The following PIWIL1 variants were observed in gnomAD, a reference collection of about 807,000 sequenced individuals.
PIWIL1 encodes piwi like RNA-mediated gene silencing 1.
PIWIL1 carries 73 observed loss-of-function variants against 114.4 expected under a neutral mutation model. That is an observed-to-expected ratio of 0.64 (90% CI 0.53 to 0.78). PIWIL1 has a LOEUF of 0.78. Ranked by LOEUF, PIWIL1 falls within the 30% of genes least tolerant of loss-of-function variation. The pLI is 0.00. For missense variants in PIWIL1, 723 were observed against 1,063.1 expected (o/e 0.68, Z 4.45); for synonymous variants, 375 against 369.0 (o/e 1.02, Z -0.19).
chr12:130,396,402 A>AAAAG, the PIWIL1 span: 7 of 152,820 alleles, frequency 4.6e-5, no homozygotes, highest in South Asian at 2.1e-4. Flanking sequence ...CAAGAATTAC[A>AAAAG]AAAGAGTAAC....
intron 8 of PIWIL1, 62 bp downstream of exon 8, chr12:130,349,498 G>T: frequency 1.9e-6 from 2 of 1,072,860 alleles, no homozygotes; most frequent in Non-Finnish European, 2.8e-6. Flanking sequence ...TGGCTTTCTA[G>T]TTCTACCATG....
intron 14 of PIWIL1, among the ~76,000 whole-genome samples, chr12:130,360,838 G>A (rs2073489652): frequency 6.6e-6 from 1 of 152,208 alleles, no homozygotes; most frequent in South Asian, 2.1e-4. Context: ...AATTAAGACT[G>A]TGGGAAATCT....
downstream of PIWIL1, among the ~76,000 whole-genome samples, chr12:130,374,388 T>A (rs1271512523): frequency 2.6e-5 from 4 of 152,224 alleles, no homozygotes; most frequent in Admixed American, 2.6e-4. Flanking sequence ...GATACAAGAT[T>A]TCAAAAGCTA....
At position 130,371,815 on chromosome 12, in the gene PIWIL1, A is replaced by C. The variant is rs2136204332; in HGVS notation, c.*217A>C. 1 of 317,254 alleles carries C rather than the reference A, an allele frequency of 3.2e-6. No individual in the cohort carries two copies. The highest frequency in any genetic ancestry group is 5.7e-6 in the Non-Finnish European group (1 of 174,736). The allele number at this position is 317,254 out of a possible 1,614,324, so 19.7% of individuals were successfully genotyped here. On this transcript the variant is annotated 3_prime_UTR_variant, in exon 21 of 21. Transcript: ENST00000245255. Reference sequence around the variant, plus strand: ...TATTTTATCTTCTTGTTTCTCATAGATATTTTGTGAGCATTTTTTTGTTTA... The same window carrying C: ...TATTTTATCTTCTTGTTTCTCATAGCTATTTTGTGAGCATTTTTTTGTTTA...
In PIWIL1 at chr12:130,356,410, G is replaced by A. The variant is rs533680142; in HGVS notation, c.1405-508G>A. Among the ~76,000 whole-genome samples, 6 of 152,050 alleles carry A rather than the reference G, an allele frequency of 3.9e-5. No individual in the cohort carries two copies. In the East Asian group the frequency reaches 9.7e-4, roughly 25 times the overall value. Reference sequence around the variant, plus strand: ...CTATCCCCTGCGTGAGGCCAGGCAGGGAGGTGGCCAGGACACGCAGAAGAC... The same window carrying A: ...CTATCCCCTGCGTGAGGCCAGGCAGAGAGGTGGCCAGGACACGCAGAAGAC... On this transcript the variant is annotated intron_variant, in intron 12 of 20. Transcript: ENST00000245255.
the PIWIL1 span, chr12:130,424,540 G>A: frequency 6.9e-4 from 853 of 1,231,966 alleles, 2 homozygotes; most frequent in Admixed American, 1.7e-3. This position sits in a 1 kb window ranked among gnomAD's most constrained non-coding sequence, Gnocchi z 9.8. Flanking sequence ...GTGGCCGAGC[G>A]GCTGAACCGA....
chr12:130,377,441 G>C (rs2073876155), downstream of PIWIL1, among the ~76,000 whole-genome samples: 1 of 152,238 alleles, frequency 6.6e-6, no homozygotes, highest in Non-Finnish European at 1.5e-5. Flanking sequence ...AACAATCTCA[G>C]CTGGAGACCT....
chr12:130,424,495 C>T, the PIWIL1 span: 1 of 1,232,136 alleles, frequency 8.1e-7, no homozygotes, highest in Non-Finnish European at 1.0e-6. The surrounding 1 kb of genome is among the most constrained non-coding windows in gnomAD (Gnocchi z 9.8). Flanking sequence ...TCGTCCTCTT[C>T]ACTCCCACAG....
chr12:130,381,032 C>G, the PIWIL1 span, among the ~76,000 whole-genome samples: 1 of 151,974 alleles, frequency 6.6e-6, no homozygotes, highest in Admixed American at 6.6e-5. Flanking sequence ...CCACACAGGC[C>G]CAGCCTCCCC....
intron 3 of PIWIL1, 95 bp from the exon 4 acceptor site, chr12:130,345,658 A>G (rs1458867513): frequency 3.8e-6 from 5 of 1,320,144 alleles, no homozygotes; most frequent in African/African-American, 2.9e-5. Flanking sequence ...ACACCTCAGT[A>G]TCCTTTGGAT....
In PIWIL1 at chr12:130,343,045, A is replaced by G. The variant is rs746101760; in HGVS notation, c.134A>G (p.Glu45Gly). ...PRPQPPPAEGELFGRGRQRGT... is the reference protein window; with the variant it reads ...PRPQPPPAEGGLFGRGRQRGT... ...CCTCAGCCGCCACCAGCAGAGGGGG[A>G]ATTATTTGGCCGTGGACGGCAGAGA... The change falls in exon 3 of 21, where the codon GAA becomes GGA. Residue 45 changes from glutamate (E) to glycine (G), a missense_variant. Glu to Gly is a moderately conservative substitution (Grantham distance 98). Around this residue, in one of 8 missense-constraint regions of PIWIL1, gnomAD observed 91 missense variants for 76.2 expected, o/e 1.19. Transcript: ENST00000245255. 6.2e-7 allele frequency: 1 copy of G among 1,613,996 alleles called. No homozygotes were observed. Among genetic ancestry groups the G allele is most frequent in the Non-Finnish European group, 8.5e-7 (1 of 1,179,950 alleles).
At chr12:130,399,578 G>C in the PIWIL1 span, 1 of 1,384,916 alleles carries the variant, frequency 7.2e-7, no homozygotes, top group Non-Finnish European at 9.9e-7. Flanking sequence ...GTGTATTTAC[G>C]CTTTTCGGCC....
chr12:130,403,398 T>C, the PIWIL1 span, among the ~76,000 whole-genome samples: 143,438 of 152,256 alleles, frequency 0.94, 68,151 homozygotes, highest in East Asian at 1. Context: ...ACTAAGAAGA[T>C]AAAACATAAC....
At chr12:130,418,668 G>T in the PIWIL1 span, among the ~76,000 whole-genome samples, 1 of 152,224 alleles carries the variant, frequency 6.6e-6, no homozygotes, top group East Asian at 1.9e-4. Context: ...GTGCAGAGGG[G>T]TCAGGGGCTA....
At chr12:130,407,529 T>C in the PIWIL1 span, among the ~76,000 whole-genome samples, 3 of 152,176 alleles carry the variant, frequency 2.0e-5, no homozygotes, top group Non-Finnish European at 4.4e-5. Flanking sequence ...GGGCTGGCCA[T>C]GTCCCTGGGA....
At chr12:130,354,085 G>A (rs1422295979) in intron 9 of PIWIL1, among the ~76,000 whole-genome samples, 1 of 152,104 alleles carries the variant, frequency 6.6e-6, no homozygotes. Context: ...GATTAAACCT[G>A]CCCTGTAGCG....
Position 130,372,400 on chromosome 12 carries a change from T to A in PIWIL1, c.*802T>A, listed in dbSNP as rs1315699312. 3 of 152,028 alleles carry A rather than the reference T, an allele frequency of 2.0e-5. No individual in the cohort carries two copies. Among genetic ancestry groups the A allele is most frequent in the Non-Finnish European group, 4.4e-5 (3 of 67,984 alleles). The allele number at this position is 152,028 out of a possible 1,614,324, so 9.4% of individuals were successfully genotyped here. A position where few individuals can be genotyped will look rare whatever the true frequency, so the allele number is the denominator to read the frequency against. ...TTTTCATTTAATTTTTAAAAGTGCATACAATTCCATTCATAAAAGCTAAAT... is the reference window on the plus strand; with the variant it reads ...TTTTCATTTAATTTTTAAAAGTGCAAACAATTCCATTCATAAAAGCTAAAT... On this transcript the variant is annotated 3_prime_UTR_variant, in exon 21 of 21. Transcript: ENST00000245255.
chr12:130,389,903 T>A, the PIWIL1 span, among the ~76,000 whole-genome samples: 1 of 152,162 alleles, frequency 6.6e-6, no homozygotes, highest in Non-Finnish European at 1.5e-5. Context: ...GTAATCCAGC[T>A]CTCTCTCTCT....
the PIWIL1 span, among the ~76,000 whole-genome samples, chr12:130,382,653 T>A: frequency 2.0e-5 from 3 of 152,342 alleles, no homozygotes; most frequent in African/African-American, 7.2e-5. Context: ...CAGTAAATCA[T>A]TGATAAAATC....
Sources: gnomAD v4.1 joint callset for allele counts (sites outside exome capture counted in the v4.1 genomes callset) on GRCh38, gnomAD v4.1.1 for gene constraint, gnomAD v4.1.1 regional missense constraint, Gnocchi (gnomAD v3.1) non-coding constraint, MANE v1.5 for transcripts, NCBI Gene and HGNC (gene_info 2026-07-23, HGNC 2026-07-21) for gene names.